The following SLC6A4 variants were observed in gnomAD, a reference collection of about 807,000 sequenced individuals.
SLC6A4 encodes the protein solute carrier family 6 member 4.
SLC6A4 carries 22 observed loss-of-function variants against 73.4 expected under a neutral mutation model. That is an observed-to-expected ratio of 0.30 (90% CI 0.21 to 0.43). The LOEUF is 0.43. SLC6A4 is among the 20% of genes least tolerant of loss of function. The probability of loss-of-function intolerance (pLI) is 1.00; values close to 1 mark genes in which losing one functional copy is unlikely to be tolerated. For missense variants in SLC6A4, 593 were observed against 808.5 expected, an observed-to-expected ratio of 0.73 and a Z score of 3.23; for synonymous variants, 270 against 315.5, an observed-to-expected ratio of 0.86 and a Z score of 1.53.
At chr17:30,203,501 A>G (rs1906098118) in intron 13 of SLC6A4, 162 bp from the exon 14 acceptor site, 1 of 635,646 alleles carries the variant, frequency 1.6e-6, no homozygotes, top group African/African-American at 1.8e-5. Flanking sequence ...AGAATTACCA[A>G]CTTCTGTACC....
At chr17:30,215,772 C>T in intron 7 of SLC6A4, 58 bp from the exon 8 acceptor site, 1 of 1,459,966 alleles carries the variant, frequency 6.8e-7, no homozygotes, top group East Asian at 2.3e-5. Context: ...CTTACCCTGG[C>T]ACCAACAGGG....
chr17:30,218,984 G>C (rs1008320592), intron 3 of SLC6A4, 53 bp from the exon 4 acceptor site: 2 of 1,606,920 alleles, frequency 1.2e-6, no homozygotes, highest in South Asian at 2.2e-5. Flanking sequence ...TCCCAGGATA[G>C]CCCAACCAAT....
rs199920582 is a variant in SLC6A4 at position 30,198,446 on chromosome 17, G to A, written c.*10C>T. ...GTTGTGGAGAAGCCTTTTTCCTCTC[G>A]GTGAGTGTGTTACACAGCATTCAAG... On this transcript the variant is annotated 3_prime_UTR_variant, in exon 15 of 15. Coordinates refer to ENST00000650711, the MANE Select transcript of SLC6A4 (RefSeq NM_001045.6). 1.9e-5 allele frequency: 30 copies of A among 1,555,526 alleles called. No individual in the cohort carries two copies. The highest frequency in any genetic ancestry group is 1.4e-4 in the Admixed American group (8 of 57,370).
At chr17:30,230,051 G>GA (rs1313842393) in intron 1 of SLC6A4, among the ~76,000 whole-genome samples, 18 of 81,126 alleles carry the variant, frequency 2.2e-4, no homozygotes, top group Middle Eastern at 4.7e-3. Context: ...GAAGAAAGAA[G>GA]AAGAAGAAGA....
Position 30,209,261 on chromosome 17 carries a change from C to T in SLC6A4, c.1450-19G>A, listed in dbSNP as rs767700943. ...CCCCTCCCTGGAGGGGAGAGCAGAG[C>T]CTGGGTGAGGGCCCTCCAAGGAGCC... On this transcript the variant is annotated intron_variant, in intron 11 of 14. Coordinates refer to ENST00000650711, the MANE Select transcript of SLC6A4 (RefSeq NM_001045.6). The T allele has an allele frequency of 6.5e-7, 1 of 1,532,202 alleles. No individual in the cohort carries two copies. Among genetic ancestry groups the T allele is most frequent in the South Asian group, 1.1e-5 (1 of 89,458 alleles). 94.9% of individuals were successfully genotyped at this position (1,532,202 alleles called of 1,614,324 possible).
In SLC6A4 at chr17:30,218,885, G is replaced by A. The variant is rs1906663162; in HGVS notation, c.390C>T (p.Ile130=). 6.2e-7 allele frequency: 1 copy of A among 1,614,028 alleles called. No homozygotes were observed. The highest frequency in any genetic ancestry group is 1.7e-5 in the Admixed American group (1 of 60,004). The change falls in exon 4 of 15, where the codon ATC becomes ATT. Residue 130 remains isoleucine (I), a synonymous_variant. Transcript: ENST00000650711. ...PYTIMAIFGG[I]PLFYMELALG... is the part of the protein sequence containing the mutation. Reference sequence around the variant, plus strand: ...GTGCGAGCTCCATGTAAAAGAGCGGGATTCCCCCAAAAATGGCCATGATGG... The same window carrying A: ...GTGCGAGCTCCATGTAAAAGAGCGGAATTCCCCCAAAAATGGCCATGATGG...
rs1164874944 is a variant in SLC6A4, at chr17:30,197,436, A to G, written c.*1020T>C. On this transcript the variant is annotated 3_prime_UTR_variant, in exon 15 of 15. Coordinates refer to ENST00000650711, the MANE Select transcript of SLC6A4 (RefSeq NM_001045.6). ...CCCTCCTCTCTTCACCGAGCAAAGC[A>G]ACCTGGACAGTCAAACTCAGTCACG... is the stretch of plus-strand genomic sequence containing the variant. 2 of 152,488 alleles carry G rather than the reference A, an allele frequency of 1.3e-5. No individual in the cohort carries two copies. Among genetic ancestry groups the G allele is most frequent in the African/African-American group, 4.8e-5 (2 of 41,460 alleles). The allele number at this position is 152,488 out of a possible 1,614,324, so 9.4% of individuals were successfully genotyped here. A position where few individuals can be genotyped will look rare whatever the true frequency, so the allele number is the denominator to read the frequency against.
At chr17:30,207,196 T>C (rs1445778076) in intron 13 of SLC6A4, among the ~76,000 whole-genome samples, 1 of 151,686 alleles carries the variant, frequency 6.6e-6, no homozygotes, top group Non-Finnish European at 1.5e-5. Flanking sequence ...GTGTTAGGAG[T>C]CAGAAGGGTG....
At chr17:30,208,982 G>A (rs1469058835) in intron 12 of SLC6A4, among the ~76,000 whole-genome samples, 161 bp downstream of exon 12, 7 of 152,108 alleles carry the variant, frequency 4.6e-5, no homozygotes, top group South Asian at 2.1e-4. Flanking sequence ...GATTACAGGC[G>A]TGAGCCACCG....
intron 1 of SLC6A4, among the ~76,000 whole-genome samples, chr17:30,230,161 GGAA>G (rs947578531): frequency 5.3e-5 from 8 of 151,198 alleles, no homozygotes; most frequent in South Asian, 4.2e-4. Flanking sequence ...AAGAGGAAGA[GGAA>G]GAAGAAGAAG....
rs1906568219 is a variant in SLC6A4, at chr17:30,216,233, T to G, written c.838-17A>C. 1.5e-6 allele frequency: 2 copies of G among 1,344,626 alleles called. No individual in the cohort carries two copies. The highest frequency in any genetic ancestry group is 2.0e-6 in the Non-Finnish European group (2 of 1,014,400). 83.3% of individuals were successfully genotyped at this position (1,344,626 alleles called of 1,614,324 possible). A position where few individuals can be genotyped will look rare whatever the true frequency, so the allele number is the denominator to read the frequency against. On this transcript the variant is annotated splice_polypyrimidine_tract_variant and intron_variant, in intron 6 of 14. Transcript: ENST00000650711. ...CCACACCACCTGTAAGGAAGAAGGG[T>G]TATCACCATGCTGTTCCAGGGAGGG... is the stretch of plus-strand genomic sequence containing the variant.
intron 5 of SLC6A4, 74 bp downstream of exon 5, chr17:30,218,044 T>A: frequency 2.4e-6 from 3 of 1,233,490 alleles, no homozygotes; most frequent in Non-Finnish European, 3.6e-6. Flanking sequence ...GGCCCTGGCC[T>A]TCTTTTTAAG....
At chr17:30,233,768 AAAGTC>A (rs1350136479) in intron 1 of SLC6A4, among the ~76,000 whole-genome samples, 2 of 152,234 alleles carry the variant, frequency 1.3e-5, no homozygotes, top group African/African-American at 2.4e-5. Context: ...ATCTTTAGAA[AAAGTC>A]AAGTCATGAC....
At chr17:30,230,122 A>AGAGGAGGAGGAGGAGGAG (rs111715707) in intron 1 of SLC6A4, among the ~76,000 whole-genome samples, 2 of 123,582 alleles carry the variant, frequency 1.6e-5, no homozygotes, top group African/African-American at 6.2e-5. Flanking sequence ...AGGAAGAGGA[A>AGAGGAGGAGGAGGAGGAG]GAGGAGGAGG....
chr17:30,220,047 C>G (rs956870451), intron 3 of SLC6A4, among the ~76,000 whole-genome samples: 1 of 152,174 alleles, frequency 6.6e-6, no homozygotes, highest in African/African-American at 2.4e-5. Flanking sequence ...TCCTCTGGAG[C>G]AGGAGATAAG....
chr17:30,220,047 C>A (rs956870451), intron 3 of SLC6A4, among the ~76,000 whole-genome samples: 14 of 152,174 alleles, frequency 9.2e-5, no homozygotes, highest in Non-Finnish European at 1.5e-5. Context: ...TCCTCTGGAG[C>A]AGGAGATAAG....
chr17:30,207,179 C>T (rs1277414107), intron 13 of SLC6A4, among the ~76,000 whole-genome samples: 1 of 152,158 alleles, frequency 6.6e-6, no homozygotes, highest in Non-Finnish European at 1.5e-5. Flanking sequence ...GCCCAGACTA[C>T]TCCATGGTGT....
chr17:30,233,241 T>C (rs572982766), intron 1 of SLC6A4, among the ~76,000 whole-genome samples: 2 of 152,280 alleles, frequency 1.3e-5, no homozygotes, highest in South Asian at 2.1e-4. Context: ...TGGCTGTTAA[T>C]AGCCCAGGGA....
chr17:30,230,944 A>T (rs1178769480), intron 1 of SLC6A4, among the ~76,000 whole-genome samples: 1 of 152,222 alleles, frequency 6.6e-6, no homozygotes, highest in Non-Finnish European at 1.5e-5. Context: ...ATGAAAAATC[A>T]GTTCATCCTT....
Sources: allele counts gnomAD v4.1 joint callset (sites outside exome capture counted in the v4.1 genomes callset), GRCh38; gene constraint gnomAD v4.1.1; transcripts MANE v1.5; gene names NCBI Gene and HGNC (gene_info 2026-07-23, HGNC 2026-07-21).